Variants in CD163L1 observed in about 807,000 individuals in gnomAD.
CD163L1 encodes scavenger receptor cysteine-rich type 1 protein M160.
In CD163L1, 124 loss-of-function variants were observed where a neutral mutation model predicts 165.4. The ratio of observed to expected loss-of-function variants is 0.75; its 90% CI spans 0.65 to 0.87. CD163L1 has a LOEUF of 0.87. Ranked by LOEUF, CD163L1 falls within the 40% of genes least tolerant of loss-of-function variation. The pLI is 0.00. For synonymous variants in CD163L1, 585 were observed against 662.2 expected (o/e 0.88, Z 1.79); for missense variants, 1,525 against 1,799.9 (o/e 0.85, Z 2.76).
the CD163L1 span, chr12:7,323,695 T>C: frequency 1.3e-6 from 1 of 762,508 alleles, no homozygotes; most frequent in Non-Finnish European, 2.2e-6. Flanking sequence ...CTATCATCTG[T>C]CACCCAAGAG....
chr12:7,392,602 C>CA (rs1347355941), intron 8 of CD163L1, among the ~76,000 whole-genome samples: 2 of 151,826 alleles, frequency 1.3e-5, no homozygotes, highest in Non-Finnish European at 2.9e-5. Flanking sequence ...GATAGAGACA[C>CA]AAAAAAACCT....
intron 4 of CD163L1, among the ~76,000 whole-genome samples, chr12:7,412,579 G>A (rs914229675): frequency 6.6e-6 from 1 of 151,760 alleles, no homozygotes; most frequent in South Asian, 2.1e-4. Context: ...TAAAGGAGAG[G>A]ATAAATCATA....
chr12:7,412,836 C>T (rs1238728047), intron 4 of CD163L1, among the ~76,000 whole-genome samples: 3 of 152,044 alleles, frequency 2.0e-5, no homozygotes, highest in Non-Finnish European at 4.4e-5. Context: ...GTGGCTCACA[C>T]CTGTAATCCA....
intron 2 of CD163L1, among the ~76,000 whole-genome samples, chr12:7,435,485 T>A (rs750587101): frequency 2.1e-4 from 32 of 151,946 alleles, no homozygotes; most frequent in Non-Finnish European, 4.0e-4. Context: ...CCTAAACTTA[T>A]TAGTCTTTAG....
rs766071451 is a variant in CD163L1 at position 7,433,425 on chromosome 12, A to T, written c.394T>A (p.Trp132Arg). 1 of 1,611,156 alleles carries T rather than the reference A, an allele frequency of 6.2e-7. No individual in the cohort carries two copies. Among genetic ancestry groups the T allele is most frequent in the African/African-American group, 1.3e-5 (1 of 75,018 alleles). ...CCATGATAACAGTTATGGCTTCCCC[A>T]TTCCCGGTGTTGACATTCCCAGAGA... Reference protein sequence around the residue: ...SALWECQHREWGSHNCYHGED... With the variant: ...SALWECQHRERGSHNCYHGED... The change falls in exon 3 of 20, where the codon TGG (tryptophan) becomes AGG (arginine). Residue 132 changes from tryptophan (W) to arginine (R), a missense_variant. Physicochemically the swap from Trp to Arg is moderately radical, Grantham distance 101. Coordinates refer to ENST00000313599, the MANE Select transcript of CD163L1 (RefSeq NM_174941.6).
chr12:7,366,885 G>A (rs1947032133), intron 18 of CD163L1, among the ~76,000 whole-genome samples: 1 of 151,740 alleles, frequency 6.6e-6, no homozygotes, highest in African/African-American at 2.4e-5. Context: ...AAAATAGAAT[G>A]TAATGAAATT....
In CD163L1 at chr12:7,421,464, CATAT is replaced by C. The variant is rs371156224; in HGVS notation, c.766+10948_766+10951del. Among the ~76,000 whole-genome samples the C allele has an allele frequency of 8.8e-3, 665 of 75,288 alleles. 25 individuals carry two copies. Among genetic ancestry groups the C allele is most frequent in the African/African-American group, 0.028 (328 of 11,594 alleles). 49.4% of individuals were successfully genotyped at this position (75,288 alleles called of 152,430 possible). ...ACATATACATATATGTACATATATA[CATAT>C]ATATACATATATGTACATATATACA... On this transcript the variant is annotated intron_variant, in intron 4 of 19. Transcript: ENST00000313599.
chr12:7,381,746 A>G (rs1448556071), intron 8 of CD163L1, among the ~76,000 whole-genome samples: 1 of 152,074 alleles, frequency 6.6e-6, no homozygotes, highest in East Asian at 1.9e-4. Flanking sequence ...AGGAATCTCT[A>G]TCAAAATTGA....
chr12:7,335,270 C>A, the CD163L1 span, among the ~76,000 whole-genome samples: 1 of 152,178 alleles, frequency 6.6e-6, no homozygotes, highest in Non-Finnish European at 1.5e-5. Flanking sequence ...ACCAAAACAG[C>A]ATGGTACTGG....
At chr12:7,417,309 A>AT (rs1948265243) in intron 4 of CD163L1, among the ~76,000 whole-genome samples, 1 of 152,008 alleles carries the variant, frequency 6.6e-6, no homozygotes, top group Admixed American at 6.6e-5. Context: ...GCTTAAGGAG[A>AT]TTTTGGGCTG....
Position 7,379,251 on chromosome 12 carries a change from C to A in CD163L1, c.2098G>T (p.Ala700Ser). ...LRLVGGSSRC[A>S]GKVEVNVQGA... ...TGGACATTCACCTCAACTTTTCCAG[C>A]ACACCTGCTGCTTCCACCCACAAGC... The change falls in exon 9 of 20, where the codon GCT becomes TCT. Residue 700 changes from alanine (A) to serine (S), a missense_variant. Transcript: ENST00000313599. 9.3e-6 allele frequency: 15 copies of A among 1,614,152 alleles called. No individual in the cohort carries two copies. The highest frequency in any genetic ancestry group is 1.3e-5 in the Non-Finnish European group (15 of 1,180,018).
Position 7,396,134 on chromosome 12 carries a change from C to A in CD163L1, c.2011G>T (p.Asp671Tyr), listed in dbSNP as rs770046756. 4.3e-6 allele frequency: 7 copies of A among 1,613,924 alleles called. No individual in the cohort carries two copies. The highest frequency in any genetic ancestry group is 5.9e-6 in the Non-Finnish European group (7 of 1,179,968). ...CCAACATCTTCACTGTGACTGCAGT[C>A]ATTATTTCCCCACCCACTGTTCCTG... is the stretch of plus-strand genomic sequence containing the variant. Reference protein sequence around the residue: ...SCRNSGWGNNDCSHSEDVGVI... With the variant: ...SCRNSGWGNNYCSHSEDVGVI... Residue 671 changes from aspartate (D) to tyrosine (Y), a missense_variant, in exon 8 of 20, where the codon GAC (aspartate) becomes TAC (tyrosine). Coordinates refer to ENST00000313599, the MANE Select transcript of CD163L1 (RefSeq NM_174941.6).
At chr12:7,401,112 T>C (rs1342764089) in intron 6 of CD163L1, among the ~76,000 whole-genome samples, 1 of 152,194 alleles carries the variant, frequency 6.6e-6, no homozygotes, top group African/African-American at 2.4e-5. Flanking sequence ...GCTTCACTAC[T>C]GCTCTGATAG....
At chr12:7,356,451 C>T (rs369362958) in intron 19 of CD163L1, among the ~76,000 whole-genome samples, 5 of 151,952 alleles carry the variant, frequency 3.3e-5, no homozygotes, top group African/African-American at 9.7e-5. Context: ...ATCACTGGGT[C>T]AAATTTGAAA....
intron 4 of CD163L1, among the ~76,000 whole-genome samples, chr12:7,415,141 T>C (rs144616057): frequency 1.4e-3 from 207 of 152,256 alleles, no homozygotes; most frequent in African/African-American, 4.9e-3. Context: ...AATTTGTTAC[T>C]GGATAAAAAA....
In CD163L1 at chr12:7,406,698, G is replaced by A. The variant is rs771886966; in HGVS notation, c.921C>T (p.Thr307=). 47 of 1,613,996 alleles carry A rather than the reference G, an allele frequency of 2.9e-5. No individual in the cohort carries two copies. The Middle Eastern group carries it at 6.6e-4, about 23-fold the overall frequency. ...GAGGCAAGCCAGCGAAGTGAAGTGCGGTTCCACATCCCAACTGCTTGCATA... is the reference window on the plus strand; with the variant it reads ...GAGGCAAGCCAGCGAAGTGAAGTGCAGTTCCACATCCCAACTGCTTGCATA... ...DVVCKQLGCG[T]ALHFAGLPHL... Residue 307 remains threonine (T), a synonymous_variant, in exon 5 of 20, where the codon ACC becomes ACT. Coordinates refer to ENST00000313599, the MANE Select transcript of CD163L1 (RefSeq NM_174941.6).
chr12:7,349,898 ATATCT>A, intron 4 of CD163L1, among the ~76,000 whole-genome samples: 1 of 152,300 alleles, frequency 6.6e-6, no homozygotes, highest in East Asian at 1.9e-4. Context: ...ACTCTTCAAA[ATATCT>A]TATACATGAA....
chr12:7,330,582 GTTCA>G, the CD163L1 span, among the ~76,000 whole-genome samples: 1 of 152,196 alleles, frequency 6.6e-6, no homozygotes, highest in Non-Finnish European at 1.5e-5. Flanking sequence ...CTAGGGCTGA[GTTCA>G]CTCTCTTCCT....
At chr12:7,407,650 TACAC>T (rs994978875) in intron 4 of CD163L1, among the ~76,000 whole-genome samples, 2 of 151,178 alleles carry the variant, frequency 1.3e-5, no homozygotes, top group Non-Finnish European at 3.0e-5. Context: ...GATATATATA[TACAC>T]ACACACACAT....
Sources: gnomAD v4.1 joint callset for allele counts (sites outside exome capture counted in the v4.1 genomes callset) on GRCh38, gnomAD v4.1.1 for gene constraint, MANE v1.5 for transcripts, NCBI Gene and HGNC (gene_info 2026-07-23, HGNC 2026-07-21) for gene names.